The following ZCWPW2 variants were observed in gnomAD, a reference collection of about 807,000 sequenced individuals.
ZCWPW2 encodes zinc finger CW-type and PWWP domain containing 2.
ZCWPW2 carries 45 observed loss-of-function variants against 46.6 expected under a neutral mutation model. The ratio of observed to expected loss-of-function variants is 0.96; its 90% CI spans 0.76 to 1.24. The LOEUF (loss-of-function observed/expected upper bound fraction) is 1.24. Ranked by LOEUF, ZCWPW2 falls within the 50% of genes most tolerant of loss-of-function variation. ZCWPW2 has a pLI of 0.00. For missense variants in ZCWPW2, 429 were observed against 403.9 expected (o/e 1.06, Z -0.53); for synonymous variants, 152 against 137.1 (o/e 1.11, Z -0.76).
At chr3:28,417,184 T>G (rs956770262) in intron 3 of ZCWPW2, among the ~76,000 whole-genome samples, 2 of 150,892 alleles carry the variant, frequency 1.3e-5, no homozygotes, top group Non-Finnish European at 2.9e-5. Flanking sequence ...AAAGGGGATA[T>G]CACCACTGAT....
At chr3:28,357,438 T>G (rs1401525811) in intron 1 of ZCWPW2, among the ~76,000 whole-genome samples, 1 of 152,174 alleles carries the variant, frequency 6.6e-6, no homozygotes, top group East Asian at 1.9e-4. Context: ...TTTTGGGATG[T>G]CTTTGAGTGT....
chr3:28,447,170 A>G (rs968186270), intron 4 of ZCWPW2, among the ~76,000 whole-genome samples: 3 of 152,118 alleles, frequency 2.0e-5, no homozygotes, highest in African/African-American at 7.2e-5. Flanking sequence ...GGCCAGCATT[A>G]CTCTGGTACA....
chr3:28,422,207 C>T (rs1696820073), intron 3 of ZCWPW2, among the ~76,000 whole-genome samples: 1 of 152,016 alleles, frequency 6.6e-6, no homozygotes, highest in African/African-American at 2.4e-5. Context: ...ATTCACTTAT[C>T]ATTATCAATG....
chr3:28,517,432 T>C (rs1409008081), intron 8 of ZCWPW2, among the ~76,000 whole-genome samples: 3 of 152,136 alleles, frequency 2.0e-5, no homozygotes, highest in Non-Finnish European at 4.4e-5. Context: ...AACAGGCATG[T>C]CATATGGCAA....
intron 1 of ZCWPW2, among the ~76,000 whole-genome samples, chr3:28,356,834 C>G (rs1426486436): frequency 6.6e-6 from 1 of 151,928 alleles, no homozygotes; most frequent in African/African-American, 2.4e-5. Flanking sequence ...GTAGGGAACA[C>G]TACACACCAG....
chr3:28,483,821 A>T (rs1455555107), intron 5 of ZCWPW2, among the ~76,000 whole-genome samples: 1 of 152,046 alleles, frequency 6.6e-6, no homozygotes, highest in East Asian at 1.9e-4. Context: ...TTATTTTTGG[A>T]TATTAACCTT....
chr3:28,377,073 T>G (rs1705522137), intron 1 of ZCWPW2, among the ~76,000 whole-genome samples: 1 of 92,660 alleles, frequency 1.1e-5, no homozygotes, highest in African/African-American at 3.4e-5. Flanking sequence ...GCATGATGAT[T>G]TTTTTTTTTG....
At chr3:28,393,522 T>C (rs1192288118) in intron 2 of ZCWPW2, among the ~76,000 whole-genome samples, 1 of 152,098 alleles carries the variant, frequency 6.6e-6, no homozygotes, top group Non-Finnish European at 1.5e-5. Flanking sequence ...CTGATGAACG[T>C]AGACGCAAAA....
intron 4 of ZCWPW2, among the ~76,000 whole-genome samples, chr3:28,441,567 G>C (rs1697760086): frequency 6.6e-6 from 1 of 152,160 alleles, no homozygotes; most frequent in Admixed American, 6.5e-5. Context: ...TCTGTCAACT[G>C]ATCATAGGGA....
intron 1 of ZCWPW2, among the ~76,000 whole-genome samples, chr3:28,380,934 GTATATA>G (rs578178124): frequency 0.015 from 195 of 13,396 alleles, 27 homozygotes; most frequent in South Asian, 0.048. Flanking sequence ...TATATATTTG[GTATATA>G]TATATATATA....
At chr3:28,458,077 T>C (rs1020162524) in intron 4 of ZCWPW2, among the ~76,000 whole-genome samples, 2 of 152,218 alleles carry the variant, frequency 1.3e-5, no homozygotes, top group Admixed American at 1.3e-4. Context: ...AAGGAACTCT[T>C]TATAACACCA....
At chr3:28,510,305 T>G (rs1700391987) in intron 6 of ZCWPW2, among the ~76,000 whole-genome samples, 1 of 152,180 alleles carries the variant, frequency 6.6e-6, no homozygotes. Flanking sequence ...ATTGCCCCAC[T>G]GCATGCCTTT....
At chr3:28,450,884 G>A (rs981170432) in intron 4 of ZCWPW2, among the ~76,000 whole-genome samples, 5 of 152,162 alleles carry the variant, frequency 3.3e-5, no homozygotes, top group Non-Finnish European at 7.3e-5. Context: ...TTCTAATTGT[G>A]ATAGTCATTA....
At chr3:28,411,167 C>A (rs1010025956) in intron 2 of ZCWPW2, among the ~76,000 whole-genome samples, 1 of 151,740 alleles carries the variant, frequency 6.6e-6, no homozygotes, top group Non-Finnish European at 1.5e-5. Context: ...ATATTAAAAA[C>A]TTATGAGGCA....
intron 1 of ZCWPW2, among the ~76,000 whole-genome samples, chr3:28,388,068 G>A (rs1575076799): frequency 6.6e-6 from 1 of 152,112 alleles, no homozygotes; most frequent in East Asian, 1.9e-4. Flanking sequence ...GTGGCAGTTT[G>A]AGCCGAAAGG....
At chr3:28,368,597 T>C (rs1705207102) in intron 1 of ZCWPW2, among the ~76,000 whole-genome samples, 1 of 152,208 alleles carries the variant, frequency 6.6e-6, no homozygotes, top group Non-Finnish European at 1.5e-5. Context: ...TAACATTTTT[T>C]CCTTCATTTC....
chr3:28,444,858 T>C (rs918972658), intron 4 of ZCWPW2, among the ~76,000 whole-genome samples: 2 of 152,168 alleles, frequency 1.3e-5, no homozygotes, highest in African/African-American at 2.4e-5. Flanking sequence ...AAACGTATTA[T>C]GTATAGAGTC....
At chr3:28,358,019 T>C (rs1704806738) in intron 1 of ZCWPW2, among the ~76,000 whole-genome samples, 1 of 151,940 alleles carries the variant, frequency 6.6e-6, no homozygotes, top group Non-Finnish European at 1.5e-5. Flanking sequence ...ATTACCTTAT[T>C]AATTATTTAC....
chr3:28,359,742 T>C (rs1282275645), intron 1 of ZCWPW2, among the ~76,000 whole-genome samples: 1 of 152,166 alleles, frequency 6.6e-6, no homozygotes, highest in Non-Finnish European at 1.5e-5. Context: ...ATTAGGCATA[T>C]TTATGAGATA....
Sources: allele counts gnomAD v4.1 joint callset (sites outside exome capture counted in the v4.1 genomes callset), GRCh38; gene constraint gnomAD v4.1.1; transcripts MANE v1.5; gene names NCBI Gene and HGNC (gene_info 2026-07-23, HGNC 2026-07-21).